FIP1L1: variants seen among roughly 807,000 people sequenced by gnomAD.
The protein encoded by FIP1L1 is factor interacting with PAPOLA and CPSF1.
Under a neutral mutation model 84.6 loss-of-function variants are expected in FIP1L1, and 21 were observed. That is an observed-to-expected ratio of 0.25 (90% confidence interval 0.18 to 0.36). FIP1L1 has a LOEUF of 0.36. Among genes scored for constraint, FIP1L1 ranks in the 10% least tolerant of loss-of-function variants. The pLI is 1.00. For missense variants in FIP1L1, 526 were observed against 751.1 expected (o/e 0.70, Z 3.50); for synonymous variants, 263 against 242.3 (o/e 1.09, Z -0.80).
At chr4:53,405,143 T>C (rs1212132359) in intron 10 of FIP1L1, among the ~76,000 whole-genome samples, 1 of 152,184 alleles carries the variant, frequency 6.6e-6, no homozygotes, top group Non-Finnish European at 1.5e-5. Context: ...TGGTTTTAGG[T>C]CTAACATTTA....
At chr4:53,432,481 A>G (rs761141702) in intron 13 of FIP1L1, among the ~76,000 whole-genome samples, 1 of 150,792 alleles carries the variant, frequency 6.6e-6, no homozygotes, top group Non-Finnish European at 1.5e-5. Context: ...AAAATCTGTT[A>G]TTTCATTTTC....
chr4:53,436,328 A>G (rs930413378), intron 13 of FIP1L1, among the ~76,000 whole-genome samples: 2 of 152,182 alleles, frequency 1.3e-5, no homozygotes, highest in Non-Finnish European at 2.9e-5. Flanking sequence ...CTAAGGAAGT[A>G]TTTGTCTCCA....
intron 13 of FIP1L1, among the ~76,000 whole-genome samples, chr4:53,428,684 A>G (rs1765310598): frequency 6.6e-6 from 1 of 152,190 alleles, no homozygotes; most frequent in Admixed American, 6.5e-5. Flanking sequence ...TGTTGATCAT[A>G]TTTTTAGCTA....
At chr4:53,414,516 G>T in intron 10 of FIP1L1, 99 bp from the exon 11 acceptor site, 1 of 698,586 alleles carries the variant, frequency 1.4e-6, no homozygotes, top group Non-Finnish European at 2.4e-6. Context: ...CATACTAAAA[G>T]ACTTTAGAAA....
chr4:53,384,254 C>A (rs1435276964), intron 5 of FIP1L1, among the ~76,000 whole-genome samples: 1 of 151,810 alleles, frequency 6.6e-6, no homozygotes, highest in East Asian at 1.9e-4. Flanking sequence ...ACTAAAAATA[C>A]AATAATTAGC....
chr4:53,390,704 T>G (rs1743807628), intron 7 of FIP1L1, 76 bp downstream of exon 7: 1 of 861,422 alleles, frequency 1.2e-6, no homozygotes, highest in Admixed American at 2.7e-5. Flanking sequence ...GAACATCAAT[T>G]TAGAATTTTA....
At chr4:53,408,643 A>G (rs564072713) in intron 10 of FIP1L1, among the ~76,000 whole-genome samples, 1 of 152,312 alleles carries the variant, frequency 6.6e-6, no homozygotes, top group South Asian at 2.1e-4. Context: ...AATCAGATGT[A>G]GATTTGGTCT....
intron 1 of FIP1L1, 126 bp from the exon 2 acceptor site, chr4:53,378,947 T>A: frequency 1.1e-6 from 1 of 917,722 alleles, no homozygotes; most frequent in Admixed American, 2.6e-5. Context: ...TACAAAGATC[T>A]GGAAATCTTC....
At position 53,428,079 on chromosome 4, in the gene FIP1L1, C is replaced by T. The variant is rs1415943941; in HGVS notation, c.1070C>T (p.Pro357Leu). 3 of 1,610,192 alleles carry T rather than the reference C, an allele frequency of 1.9e-6. No individual in the cohort carries two copies. The highest frequency in any genetic ancestry group is 4.5e-5 in the East Asian group (2 of 44,862). Residue 357 changes from proline (P) to leucine (L), a missense_variant, in exon 13 of 18, where the codon CCT (proline) becomes CTT (leucine). Physicochemically the swap from Pro to Leu is moderately conservative, Grantham distance 98. Around this residue, in one of 6 missense-constraint regions of FIP1L1, gnomAD observed 80 missense variants for 151.1 expected, o/e 0.53. Coordinates refer to ENST00000337488, the MANE Select transcript of FIP1L1 (RefSeq NM_030917.4). ...GTAGACAACAATTTTAGCAAACCAC[C>T]TCCGTTTTTCCCTCCAGGAGCTCCT... ...TEVDNNFSKP[P>L]PFFPPGAPPT...
intron 9 of FIP1L1, 66 bp from the exon 10 acceptor site, chr4:53,399,664 A>G (rs1018963115): frequency 6.1e-6 from 6 of 985,628 alleles, no homozygotes; most frequent in East Asian, 2.4e-5. Flanking sequence ...TTATTTTAAC[A>G]TCTAAAGTCC....
At chr4:53,392,380 T>C (rs1744701011) in intron 9 of FIP1L1, among the ~76,000 whole-genome samples, 1 of 152,154 alleles carries the variant, frequency 6.6e-6, no homozygotes, top group South Asian at 2.1e-4. Context: ...GTGTGCTATG[T>C]CTGCAGATAC....
intron 3 of FIP1L1, among the ~76,000 whole-genome samples, chr4:53,380,670 A>G (rs1737369591): frequency 1.3e-5 from 2 of 152,308 alleles, no homozygotes; most frequent in Admixed American, 6.5e-5. Flanking sequence ...AAAATCCCCT[A>G]TAGTCTTTTC....
rs763611157 is a variant in FIP1L1, at chr4:53,444,057, C to T, written c.1239C>T (p.Ser413=). The T allele has an allele frequency of 3.1e-6, 5 of 1,605,328 alleles. No homozygotes were observed. Among genetic ancestry groups the T allele is most frequent in the South Asian group, 2.2e-5 (2 of 90,736 alleles). Residue 413 remains serine, a synonymous_variant, in exon 15 of 18, where the codon TCC becomes TCT. Transcript: ENST00000337488. Reference sequence around the variant, plus strand: ...TCTTTTTCTTCAACAGTGGACATTCCTCTGGTTATGATAGTCGTTCTGCAC... The same window carrying T: ...TCTTTTTCTTCAACAGTGGACATTCTTCTGGTTATGATAGTCGTTCTGCAC... The part of the protein sequence containing the change: ...SLIPTIESGH[S]SGYDSRSARA...
chr4:53,411,604 G>C (rs1757263672), intron 10 of FIP1L1, among the ~76,000 whole-genome samples: 1 of 152,304 alleles, frequency 6.6e-6, no homozygotes, highest in Admixed American at 6.5e-5. Flanking sequence ...AGGGTGCACA[G>C]TAGATGTTTA....
At chr4:53,411,290 G>C (rs1757088989) in intron 10 of FIP1L1, among the ~76,000 whole-genome samples, 2 of 152,086 alleles carry the variant, frequency 1.3e-5, no homozygotes, top group Non-Finnish European at 2.9e-5. Flanking sequence ...AAAATTAGCA[G>C]GGCTATCACT....
chr4:53,417,803 T>G (rs867200872), intron 11 of FIP1L1, among the ~76,000 whole-genome samples: 2 of 106,860 alleles, frequency 1.9e-5, no homozygotes, highest in African/African-American at 3.4e-5. Context: ...TCTCTCTCTC[T>G]CTCTCTCTCT....
rs115979391 is a variant in FIP1L1, at chr4:53,449,751, T to C, written c.1286-3169T>C. 7.5e-3 allele frequency among the ~76,000 whole-genome samples: 1,136 copies of C among 152,310 alleles called. 14 individuals carry two copies. The highest frequency in any genetic ancestry group is 0.026 in the African/African-American group (1,077 of 41,566). ...GGCATGTGGCCTTGTAGGAAGATTT[T>C]AAATTACTGATTTAATGTCTTTAAT... is the stretch of plus-strand genomic sequence containing the variant. On this transcript the variant is annotated intron_variant, in intron 15 of 17. Transcript: ENST00000337488.
chr4:53,448,209 G>C (rs1446706230), intron 15 of FIP1L1, among the ~76,000 whole-genome samples: 1 of 151,952 alleles, frequency 6.6e-6, no homozygotes, highest in Non-Finnish European at 1.5e-5. Flanking sequence ...AGATCTAGTA[G>C]TTCCCAAATC....
intron 5 of FIP1L1, among the ~76,000 whole-genome samples, chr4:53,387,550 G>A (rs186948729): frequency 3.9e-5 from 6 of 152,272 alleles, no homozygotes; most frequent in Admixed American, 1.3e-4. Flanking sequence ...TATCAAATTT[G>A]CCTCTGCAAT....
Sources: gnomAD v4.1 joint callset for allele counts (sites outside exome capture counted in the v4.1 genomes callset) on GRCh38, gnomAD v4.1.1 for gene constraint, gnomAD v4.1.1 regional missense constraint, MANE v1.5 for transcripts, NCBI Gene and HGNC (gene_info 2026-07-23, HGNC 2026-07-21) for gene names.